The following PTPRN2 variants were observed in gnomAD, a reference collection of about 807,000 sequenced individuals.
PTPRN2 encodes receptor-type tyrosine-protein phosphatase N2.
In PTPRN2, 74 loss-of-function variants were observed where a neutral mutation model predicts 118.8. The ratio of observed to expected loss-of-function variants is 0.62; its 90% CI spans 0.52 to 0.76. PTPRN2 has a LOEUF of 0.76. Among genes scored for constraint, PTPRN2 ranks in the 30% least tolerant of loss-of-function variants. The pLI is 0.00. For missense variants in PTPRN2, 1,481 were observed against 1,394.4 expected, an observed-to-expected ratio of 1.06 and a Z score of -0.99; for synonymous variants, 641 against 608.0, an observed-to-expected ratio of 1.05 and a Z score of -0.80.
chr7:157,802,669 G>T (rs1231765362), intron 12 of PTPRN2, among the ~76,000 whole-genome samples: 1 of 152,150 alleles, frequency 6.6e-6, no homozygotes, highest in East Asian at 1.9e-4. Context: ...TTCCATAATG[G>T]TTGCACCATT....
intron 11 of PTPRN2, among the ~76,000 whole-genome samples, chr7:157,983,444 G>C (rs1048624645): frequency 1.3e-5 from 2 of 151,984 alleles, no homozygotes; most frequent in African/African-American, 4.8e-5. Context: ...GGGGAATGCA[G>C]AGTGCGGGGT....
intron 12 of PTPRN2, among the ~76,000 whole-genome samples, chr7:157,752,295 C>A (rs1263718248): frequency 1.3e-5 from 2 of 152,218 alleles, no homozygotes; most frequent in African/African-American, 4.8e-5. Flanking sequence ...GGTGACTTGT[C>A]CGAACATGAC....
intron 12 of PTPRN2, among the ~76,000 whole-genome samples, chr7:157,850,293 C>T (rs1032058412): frequency 8.1e-5 from 12 of 148,164 alleles, no homozygotes; most frequent in South Asian, 4.6e-4. Context: ...GCCTCAGGCT[C>T]GCGTAAGGGA....
chr7:158,266,053 C>T (rs571337651), intron 3 of PTPRN2, among the ~76,000 whole-genome samples: 10 of 151,846 alleles, frequency 6.6e-5, no homozygotes, highest in Non-Finnish European at 7.4e-5. Flanking sequence ...GGCAGTGAGG[C>T]TGGGGACGGC....
chr7:158,188,730 C>T (rs894833243), intron 5 of PTPRN2, among the ~76,000 whole-genome samples: 9 of 151,138 alleles, frequency 6.0e-5, no homozygotes, highest in Admixed American at 2.6e-4. Flanking sequence ...AAGGCCGCCA[C>T]GCTCGCCGCC....
intron 11 of PTPRN2, among the ~76,000 whole-genome samples, chr7:158,009,607 C>A (rs967494890): frequency 2.0e-5 from 3 of 152,156 alleles, no homozygotes; most frequent in African/African-American, 7.2e-5. Context: ...AATTTTCCCA[C>A]TTAATATAAA....
chr7:157,896,072 C>T (rs1797095033), intron 12 of PTPRN2, among the ~76,000 whole-genome samples: 1 of 151,780 alleles, frequency 6.6e-6, no homozygotes, highest in African/African-American at 2.4e-5. Context: ...TCACAGGTGC[C>T]CAGGGGAGGA....
At chr7:158,297,575 A>G (rs1800590700) in intron 3 of PTPRN2, among the ~76,000 whole-genome samples, 2 of 152,174 alleles carry the variant, frequency 1.3e-5, no homozygotes, top group Admixed American at 1.3e-4. Flanking sequence ...TACAAAACCC[A>G]GCAGTAAGGA....
At chr7:157,597,484 GTT>G (rs572378771) in intron 16 of PTPRN2, among the ~76,000 whole-genome samples, 11 of 145,630 alleles carry the variant, frequency 7.6e-5, no homozygotes, top group South Asian at 2.2e-4. Context: ...GTGTGTGTGT[GTT>G]TTTTTTTTTG....
rs1806345620 is a variant in PTPRN2 at position 158,015,023 on chromosome 7, CCTTTTTGCT to C, written c.1723+66266_1723+66274del. 6.6e-6 allele frequency among the ~76,000 whole-genome samples: 1 copy of C among 152,186 alleles called. No homozygotes were observed. The highest frequency in any genetic ancestry group is 2.4e-5 in the African/African-American group (1 of 41,432). On this transcript the variant is annotated intron_variant, in intron 11 of 22. Coordinates refer to ENST00000389418, the MANE Select transcript of PTPRN2 (RefSeq NM_002847.5). The surrounding 1 kb of genome is among the most constrained non-coding windows in gnomAD (Gnocchi z 4.2). ...AACTTCTCCTGAATATCATCTTTTCCCTTTTTGCTCTCTCATTTGTCTCTCTTTTTCTTC... is the reference window on the plus strand; with the variant it reads ...AACTTCTCCTGAATATCATCTTTTCCCTCTCATTTGTCTCTCTTTTTCTTC...
intron 2 of PTPRN2, among the ~76,000 whole-genome samples, chr7:158,471,453 G>A (rs912282831): frequency 6.6e-6 from 1 of 152,210 alleles, no homozygotes; most frequent in Non-Finnish European, 1.5e-5. Context: ...ACTTTGGGAG[G>A]CCGACGCGGG....
At chr7:157,699,183 G>T (rs527296156) in intron 12 of PTPRN2, among the ~76,000 whole-genome samples, 1 of 152,252 alleles carries the variant, frequency 6.6e-6, no homozygotes, top group South Asian at 2.1e-4. Context: ...ATATAACTTA[G>T]CCATGTCCTG....
intron 2 of PTPRN2, among the ~76,000 whole-genome samples, chr7:158,374,513 C>T (rs1441803462): frequency 1.3e-5 from 2 of 151,956 alleles, no homozygotes; most frequent in Non-Finnish European, 2.9e-5. Context: ...AAGGATTGTA[C>T]AAGAATGTTT....
intron 12 of PTPRN2, among the ~76,000 whole-genome samples, chr7:157,775,934 C>T (rs952901769): frequency 4.6e-5 from 7 of 151,946 alleles, no homozygotes; most frequent in Admixed American, 1.3e-4. Flanking sequence ...GTGAGGAGAC[C>T]GCCGCAAAAT....
At chr7:158,272,948 C>T (rs933688827) in intron 3 of PTPRN2, among the ~76,000 whole-genome samples, 5 of 152,292 alleles carry the variant, frequency 3.3e-5, no homozygotes, top group South Asian at 4.1e-4. Context: ...GACAGTCCCA[C>T]GGTTTGGGAC....
At chr7:158,331,782 A>G (rs1323668324) in intron 2 of PTPRN2, among the ~76,000 whole-genome samples, 5 of 151,002 alleles carry the variant, frequency 3.3e-5, no homozygotes, top group South Asian at 4.1e-4. Flanking sequence ...AAGAGCTGTC[A>G]CGCACAGACA....
chr7:158,432,248 C>T lies in PTPRN2; in HGVS notation c.163+57487G>A, dbSNP rs370097778. Among the ~76,000 whole-genome samples the T allele has an allele frequency of 6.2e-4, 95 of 152,338 alleles. 2 individuals are homozygous for T. The South Asian group carries it at 0.019, about 31-fold the overall frequency. On this transcript the variant is annotated intron_variant, in intron 2 of 22. Coordinates refer to ENST00000389418, the MANE Select transcript of PTPRN2 (RefSeq NM_002847.5). ...CTCAGGGGAACCACACACAGTGACT[C>T]ATGAGGAGCGGCGGGGCCTTGAGCC...
At chr7:158,165,141 G>A (rs7794676) in intron 6 of PTPRN2, among the ~76,000 whole-genome samples, 43 of 113,676 alleles carry the variant, frequency 3.8e-4, no homozygotes, top group South Asian at 5.9e-4. Flanking sequence ...CACAAAGAGT[G>A]CAGGAGGCAG....
intron 11 of PTPRN2, among the ~76,000 whole-genome samples, chr7:157,936,373 G>A (rs56303020): frequency 0.18 from 28,080 of 152,036 alleles, 2,738 homozygotes; most frequent in Middle Eastern, 0.21. Flanking sequence ...ACTCTACTGG[G>A]CTCATTCCTC....
Sources: allele counts gnomAD v4.1 joint callset (sites outside exome capture counted in the v4.1 genomes callset), GRCh38; gene constraint gnomAD v4.1.1; non-coding constraint Gnocchi (gnomAD v3.1); transcripts MANE v1.5; gene names NCBI Gene and HGNC (gene_info 2026-07-23, HGNC 2026-07-21).